Variants in MAGI2 observed in about 807,000 individuals in gnomAD.
The protein encoded by MAGI2 is membrane associated guanylate kinase, WW and PDZ domain containing 2.
MAGI2 carries 35 observed loss-of-function variants against 133.3 expected under a neutral mutation model. The ratio of observed to expected loss-of-function variants is 0.26; its 90% confidence interval spans 0.20 to 0.35. The LOEUF is 0.35. MAGI2 is among the 10% of genes least tolerant of loss of function. The pLI, the probability that MAGI2 is intolerant of heterozygous loss-of-function variation, is 1.00. For synonymous variants in MAGI2, 729 were observed against 710.6 expected, an observed-to-expected ratio of 1.03 and a Z score of -0.41; for missense variants, 1,636 against 1,863.4, an observed-to-expected ratio of 0.88 and a Z score of 2.25.
chr7:78,977,507 GAA>G (rs1804390430), intron 2 of MAGI2, among the ~76,000 whole-genome samples: 1 of 34,080 alleles, frequency 2.9e-5, no homozygotes, highest in Admixed American at 2.4e-4. Context: ...AAGAAAGAAA[GAA>G]AGAAAGAAAG....
At chr7:78,326,929 T>TCA (rs1491475044) in intron 9 of MAGI2, among the ~76,000 whole-genome samples, 1 of 151,808 alleles carries the variant, frequency 6.6e-6, no homozygotes, top group Non-Finnish European at 1.5e-5. Flanking sequence ...GGAAGATCTT[T>TCA]CTCTCTCTCT....
At chr7:78,370,724 A>G (rs993549336) in intron 6 of MAGI2, among the ~76,000 whole-genome samples, 3 of 151,948 alleles carry the variant, frequency 2.0e-5, no homozygotes, top group South Asian at 2.1e-4. Context: ...TTTTAGGAAC[A>G]TATATGTTTT....
intron 10 of MAGI2, among the ~76,000 whole-genome samples, chr7:78,215,278 G>T (rs1788155611): frequency 6.6e-6 from 1 of 152,118 alleles, no homozygotes; most frequent in East Asian, 1.9e-4. Flanking sequence ...GTTCTCCTAT[G>T]GTGTTAACTC....
intron 6 of MAGI2, among the ~76,000 whole-genome samples, chr7:78,457,789 G>A (rs369878814): frequency 6.6e-6 from 1 of 151,964 alleles, no homozygotes; most frequent in East Asian, 1.9e-4. Context: ...ATTGTCCCAG[G>A]GCACAGACTA....
At chr7:78,417,535 T>C (rs930188752) in intron 6 of MAGI2, among the ~76,000 whole-genome samples, 5 of 152,160 alleles carry the variant, frequency 3.3e-5, no homozygotes, top group Admixed American at 3.3e-4. Flanking sequence ...ATACTATTTA[T>C]TTTCATGTTT....
At chr7:78,648,541 C>G (rs1321933433) in intron 2 of MAGI2, among the ~76,000 whole-genome samples, 1 of 152,192 alleles carries the variant, frequency 6.6e-6, no homozygotes, top group Non-Finnish European at 1.5e-5. Context: ...CATCATCTAG[C>G]ATATGTGCTC....
At chr7:78,273,554 C>T (rs986969898) in intron 9 of MAGI2, among the ~76,000 whole-genome samples, 6 of 152,120 alleles carry the variant, frequency 3.9e-5, no homozygotes, top group South Asian at 4.1e-4. Context: ...CCATTCTCCC[C>T]GTCACTTTCA....
chr7:79,327,565 C>T lies in MAGI2; in HGVS notation c.301+125455G>A, dbSNP rs143869587. Among the ~76,000 whole-genome samples the T allele has an allele frequency of 1.6e-3, 241 of 152,190 alleles. 1 individual carries two copies. Among genetic ancestry groups the T allele is most frequent in the African/African-American group, 5.3e-3 (221 of 41,544 alleles). Reference sequence around the variant, plus strand: ...TAAAATCATGACAGGATTATGGTTACATAATGATACAAAGGCAAACCACAA... The same window carrying T: ...TAAAATCATGACAGGATTATGGTTATATAATGATACAAAGGCAAACCACAA... On this transcript the variant is annotated intron_variant, in intron 1 of 21. Coordinates refer to ENST00000354212, the MANE Select transcript of MAGI2 (RefSeq NM_012301.4).
At chr7:78,270,688 A>C (rs1243831647) in intron 9 of MAGI2, among the ~76,000 whole-genome samples, 2 of 151,174 alleles carry the variant, frequency 1.3e-5, no homozygotes, top group Non-Finnish European at 3.0e-5. Flanking sequence ...TTTCTAAATA[A>C]TGGGAGACGT....
chr7:78,536,534 C>T (rs969480242), intron 3 of MAGI2, among the ~76,000 whole-genome samples: 1 of 152,004 alleles, frequency 6.6e-6, no homozygotes, highest in East Asian at 1.9e-4. Flanking sequence ...ATGGAGACAA[C>T]GATGGTACCA....
At chr7:78,440,846 G>A (rs904955773) in intron 6 of MAGI2, among the ~76,000 whole-genome samples, 16 of 152,070 alleles carry the variant, frequency 1.1e-4, no homozygotes, top group Non-Finnish European at 1.5e-4. Context: ...CCAGCCACTC[G>A]GGAGGCTGAG....
At chr7:78,819,883 T>A (rs1219166517) in intron 2 of MAGI2, among the ~76,000 whole-genome samples, 1 of 152,008 alleles carries the variant, frequency 6.6e-6, no homozygotes, top group East Asian at 1.9e-4. Flanking sequence ...AATAAATAAA[T>A]TAATTAAATA....
At chr7:79,126,085 G>A (rs73369363) in intron 1 of MAGI2, among the ~76,000 whole-genome samples, 2,173 of 152,256 alleles carry the variant, frequency 0.014, 46 homozygotes, top group African/African-American at 0.048. Flanking sequence ...ATGTAGTTTT[G>A]TTTTTTCCTT....
At chr7:78,086,211 C>T (rs1318066050) in intron 20 of MAGI2, among the ~76,000 whole-genome samples, 1 of 145,412 alleles carries the variant, frequency 6.9e-6, no homozygotes, top group Non-Finnish European at 1.5e-5. Flanking sequence ...CCTTACTCTT[C>T]TAGGGCTCTT....
intron 6 of MAGI2, among the ~76,000 whole-genome samples, chr7:78,373,375 G>T (rs10259279): frequency 0.82 from 124,814 of 152,058 alleles, 51,336 homozygotes; most frequent in Admixed American, 0.85. Flanking sequence ...TGTAGATTAG[G>T]TAATCGTTTA....
chr7:78,257,623 G>C (rs1330184002), intron 9 of MAGI2, among the ~76,000 whole-genome samples: 1 of 152,088 alleles, frequency 6.6e-6, no homozygotes, highest in Non-Finnish European at 1.5e-5. Flanking sequence ...ATGGCTGTTT[G>C]AGATAAATGT....
At chr7:79,339,195 A>T (rs949638302) in intron 1 of MAGI2, among the ~76,000 whole-genome samples, 6 of 152,134 alleles carry the variant, frequency 3.9e-5, no homozygotes, top group African/African-American at 1.4e-4. Context: ...TAGATGTAAA[A>T]TTTTAAAATT....
intron 1 of MAGI2, among the ~76,000 whole-genome samples, chr7:79,333,303 T>G (rs1173312323): frequency 6.6e-6 from 1 of 152,104 alleles, no homozygotes; most frequent in African/African-American, 2.4e-5. Context: ...AATTTTTGTA[T>G]TTTTAGTACA....
intron 10 of MAGI2, among the ~76,000 whole-genome samples, chr7:78,221,126 A>G (rs1030461604): frequency 3.9e-5 from 6 of 152,102 alleles, no homozygotes; most frequent in African/African-American, 1.4e-4. Flanking sequence ...GAGCTTGACT[A>G]TGCTAACTCC....
Sources: allele counts gnomAD v4.1 joint callset (sites outside exome capture counted in the v4.1 genomes callset), GRCh38; gene constraint gnomAD v4.1.1; transcripts MANE v1.5; gene names NCBI Gene and HGNC (gene_info 2026-07-23, HGNC 2026-07-21).